ADAMTS2: variants seen among roughly 807,000 people sequenced by gnomAD.
ADAMTS2 encodes the protein ADAM metallopeptidase with thrombospondin type 1 motif 2, also known as A disintegrin and metalloproteinase with thrombospondin motifs 2.
In ADAMTS2, 50 loss-of-function variants were observed where a neutral mutation model predicts 123.0. That is an observed-to-expected ratio of 0.41 (90% CI 0.32 to 0.51). The LOEUF (loss-of-function observed/expected upper bound fraction) is 0.51, where lower values mean the gene tolerates loss of function less well. ADAMTS2 is among the 20% of genes least tolerant of loss of function. ADAMTS2 has a pLI of 0.35. For synonymous variants in ADAMTS2, 678 were observed against 695.4 expected (o/e 0.98, Z 0.39); for missense variants, 1,494 against 1,705.2 (o/e 0.88, Z 2.18).
intron 17 of ADAMTS2, among the ~76,000 whole-genome samples, chr5:179,126,352 G>A (rs997216515): frequency 6.6e-6 from 1 of 152,164 alleles, no homozygotes; most frequent in Admixed American, 6.5e-5. Context: ...TTCTCCCCTA[G>A]GCTGCCTCTC....
At chr5:179,153,932 A>C in intron 8 of ADAMTS2, 117 bp downstream of exon 8, 1 of 1,400,534 alleles carries the variant, frequency 7.1e-7, no homozygotes, top group East Asian at 2.5e-5. Flanking sequence ...CCCCGCACAC[A>C]AGCTTAGAGG....
At position 179,301,153 on chromosome 5, in the gene ADAMTS2, G is replaced by GA. The variant is rs60799579; in HGVS notation, c.535-28090dup. Among the ~76,000 whole-genome samples the GA allele has an allele frequency of 4.0e-3, 490 of 122,784 alleles. 1 individual carries two copies. Among genetic ancestry groups the GA allele is most frequent in the African/African-American group, 5.6e-3 (191 of 34,254 alleles). The allele number at this position is 122,784 out of a possible 152,430, so 80.6% of individuals were successfully genotyped here. A position where few individuals can be genotyped will look rare whatever the true frequency, so the allele number is the denominator to read the frequency against. On this transcript the variant is annotated intron_variant, in intron 2 of 21. Coordinates refer to ENST00000251582, the MANE Select transcript of ADAMTS2 (RefSeq NM_014244.5). ...GGCTCTGCTCGCTCCTGTCCCCCAGGAAAAAAAAAAAAAAAAAGACAGCAG... is the reference window on the plus strand; with the variant it reads ...GGCTCTGCTCGCTCCTGTCCCCCAGGAAAAAAAAAAAAAAAAAAGACAGCAG...
chr5:179,186,667 T>C (rs1414046615), intron 4 of ADAMTS2, among the ~76,000 whole-genome samples: 1 of 152,150 alleles, frequency 6.6e-6, no homozygotes, highest in Non-Finnish European at 1.5e-5. Flanking sequence ...GCGGCAACAT[T>C]TCTGCAGAGC....
At chr5:179,344,534 T>A (rs2127463629) in intron 1 of ADAMTS2, among the ~76,000 whole-genome samples, 1 of 152,346 alleles carries the variant, frequency 6.6e-6, no homozygotes, top group South Asian at 2.1e-4. Context: ...GACGTGGAGC[T>A]GCTCGGAAGC....
chr5:179,119,153 G>A (rs1348317935), intron 21 of ADAMTS2, among the ~76,000 whole-genome samples: 1 of 152,206 alleles, frequency 6.6e-6, no homozygotes, highest in African/African-American at 2.4e-5. Flanking sequence ...ACCCATCTCT[G>A]GGAAGAGAGA....
chr5:179,211,805 C>T (rs565967646), intron 3 of ADAMTS2, among the ~76,000 whole-genome samples: 12 of 152,242 alleles, frequency 7.9e-5, no homozygotes, highest in East Asian at 5.8e-4. Context: ...AGGCACACCC[C>T]GAGTCTCCAG....
intron 2 of ADAMTS2, among the ~76,000 whole-genome samples, chr5:179,302,983 G>T (rs191035403): frequency 1.8e-4 from 25 of 140,548 alleles, no homozygotes; most frequent in African/African-American, 3.3e-4. Context: ...GTACAGGAGG[G>T]CAGAGTGGTG....
At chr5:179,286,425 C>A (rs1756023344) in intron 2 of ADAMTS2, among the ~76,000 whole-genome samples, 1 of 152,056 alleles carries the variant, frequency 6.6e-6, no homozygotes, top group Admixed American at 6.5e-5. Flanking sequence ...AGAGACAGAG[C>A]CGGCACGGTG....
chr5:179,195,695 C>T (rs959932432), intron 4 of ADAMTS2, among the ~76,000 whole-genome samples: 1 of 152,224 alleles, frequency 6.6e-6, no homozygotes, highest in Admixed American at 6.5e-5. Context: ...CACGTGAGGG[C>T]ACTGCCCTCT....
intron 3 of ADAMTS2, among the ~76,000 whole-genome samples, chr5:179,214,966 T>C (rs984721507): frequency 5.9e-5 from 9 of 152,204 alleles, no homozygotes; most frequent in African/African-American, 2.2e-4. Context: ...ATCAAATAAT[T>C]GTTAAAACCC....
chr5:179,215,763 G>A (rs771825773), intron 3 of ADAMTS2, among the ~76,000 whole-genome samples: 5 of 152,116 alleles, frequency 3.3e-5, no homozygotes, highest in South Asian at 2.1e-4. Flanking sequence ...AAAGTCTCCC[G>A]GAGAATAAGA....
chr5:179,179,233 G>A (rs957709487), intron 5 of ADAMTS2, among the ~76,000 whole-genome samples: 45 of 149,132 alleles, frequency 3.0e-4, no homozygotes, highest in South Asian at 2.6e-3. Context: ...AGGTGTGAGC[G>A]ACCATGCCTG....
rs555461122 is a variant in ADAMTS2 at position 179,222,406 on chromosome 5, G to T, written c.689-14691C>A. On this transcript the variant is annotated intron_variant, in intron 3 of 21. Coordinates refer to ENST00000251582, the MANE Select transcript of ADAMTS2 (RefSeq NM_014244.5). Reference sequence around the variant, plus strand: ...GGCCTTTCCTCCCCAACCGGGGCAGGTGGCAGGGATGCACTACAAGCCCAG... The same window carrying T: ...GGCCTTTCCTCCCCAACCGGGGCAGTTGGCAGGGATGCACTACAAGCCCAG... Among the ~76,000 whole-genome samples the T allele has an allele frequency of 1.3e-4, 20 of 152,308 alleles. No individual in the cohort carries two copies. The South Asian group carries it at 3.9e-3, about 30-fold the overall frequency.
chr5:179,340,510 A>G (rs7720895), intron 2 of ADAMTS2, among the ~76,000 whole-genome samples: 36,503 of 152,230 alleles, frequency 0.24, 4,505 homozygotes, highest in Admixed American at 0.29. Context: ...GAAATGTTGT[A>G]AAGAAATGCA....
At chr5:179,334,518 C>T (rs915708155) in intron 2 of ADAMTS2, among the ~76,000 whole-genome samples, 3 of 152,244 alleles carry the variant, frequency 2.0e-5, no homozygotes, top group Non-Finnish European at 4.4e-5. Context: ...TAATCCACAG[C>T]AAGCGCTGTA....
chr5:179,161,788 A>G (rs188407141), intron 5 of ADAMTS2, among the ~76,000 whole-genome samples: 6 of 152,204 alleles, frequency 3.9e-5, no homozygotes, highest in African/African-American at 1.4e-4. Flanking sequence ...TAAATATCAC[A>G]CCCTACCCCA....
chr5:179,291,906 T>A (rs466987), intron 2 of ADAMTS2, among the ~76,000 whole-genome samples: 117,300 of 147,034 alleles, frequency 0.8, 48,126 homozygotes, highest in Non-Finnish European at 0.9. Flanking sequence ...CTAGCTAATT[T>A]AAAAAAAAAA....
chr5:179,324,021 T>G (rs1230656880), intron 2 of ADAMTS2, among the ~76,000 whole-genome samples: 1 of 152,222 alleles, frequency 6.6e-6, no homozygotes, highest in Non-Finnish European at 1.5e-5. Flanking sequence ...AACATTATGC[T>G]GAGTGAAAGA....
chr5:179,298,205 G>A lies in ADAMTS2; in HGVS notation c.535-25141C>T, dbSNP rs542917773. On this transcript the variant is annotated intron_variant, in intron 2 of 21. Transcript: ENST00000251582. ...ACAGAGGCAATTTCAGAAATTCCCC[G>A]AGGCTCGGGGAACCCAGGCTGTCCC... 1.6e-4 allele frequency among the ~76,000 whole-genome samples: 24 copies of A among 150,814 alleles called. 1 individual carries two copies. Among genetic ancestry groups the A allele is most frequent in the South Asian group, 4.2e-4 (2 of 4,754 alleles).
Sources: allele counts gnomAD v4.1 joint callset (sites outside exome capture counted in the v4.1 genomes callset), GRCh38; gene constraint gnomAD v4.1.1; transcripts MANE v1.5; gene names NCBI Gene and HGNC (gene_info 2026-07-23, HGNC 2026-07-21).